Variants in BAALC observed in about 807,000 individuals in gnomAD.
BAALC encodes the protein brain and acute leukemia cytoplasmic protein.
Under a neutral mutation model 15.5 loss-of-function variants are expected in BAALC, and 9 were observed. The observed-to-expected ratio is 0.58, with a 90% CI of 0.35 to 1.02. The LOEUF is 1.02. Among genes scored for constraint, BAALC ranks in the 50% least tolerant of loss-of-function variants. The pLI is 0.02. For missense variants in BAALC, 201 were observed against 192.4 expected, an observed-to-expected ratio of 1.04 and a Z score of -0.27; for synonymous variants, 80 against 74.6, an observed-to-expected ratio of 1.07 and a Z score of -0.37.
chr8:103,149,302 C>T (rs930414149), intron 1 of BAALC, among the ~76,000 whole-genome samples: 3 of 152,178 alleles, frequency 2.0e-5, no homozygotes, highest in Admixed American at 6.5e-5. Context: ...GTGCTGAGTG[C>T]CCGTGCTGCT....
At chr8:103,200,964 C>T (rs574142170) in intron 1 of BAALC, among the ~76,000 whole-genome samples, 1 of 152,148 alleles carries the variant, frequency 6.6e-6, no homozygotes, top group South Asian at 2.1e-4. Flanking sequence ...AATACTTTTT[C>T]CCTAAAGAAA....
At chr8:103,200,541 C>T (rs893315085) in intron 1 of BAALC, 3 of 447,790 alleles carry the variant, frequency 6.7e-6, no homozygotes, top group Non-Finnish European at 1.2e-5. Flanking sequence ...CTAACCACCC[C>T]CAAAAATAAT....
chr8:103,220,195 C>T (rs1812647202), intron 2 of BAALC, among the ~76,000 whole-genome samples: 4 of 152,138 alleles, frequency 2.6e-5, no homozygotes, highest in Admixed American at 2.0e-4. Context: ...GGATATGAAA[C>T]CTGGGGCCAC....
rs149455274 is a variant in BAALC at position 103,213,250 on chromosome 8, C to T, written c.327+165C>T. 898 of 705,388 alleles carry T rather than the reference C, an allele frequency of 1.3e-3. 5 individuals carry two copies. The African/African-American group carries it at 0.015, about 12-fold the overall frequency. The allele number at this position is 705,388 out of a possible 1,614,324, so 43.7% of individuals were successfully genotyped here. On this transcript the variant is annotated intron_variant, in intron 2 of 2. Transcript: ENST00000309982. ...ATGTAAAAATTGCTGCAAACCCCAC[C>T]CCAAAACCCTGCCTTGAGGGTTGCT...
intron 1 of BAALC, among the ~76,000 whole-genome samples, chr8:103,187,112 C>A (rs1276704097): frequency 6.6e-6 from 1 of 152,110 alleles, no homozygotes. Context: ...AGAAAGTGCC[C>A]CCTCCCTCGA....
chr8:103,199,278 G>GAGA (rs1459237701), intron 1 of BAALC, among the ~76,000 whole-genome samples: 1 of 152,160 alleles, frequency 6.6e-6, no homozygotes, highest in Non-Finnish European at 1.5e-5. Context: ...CAGTATATGA[G>GAGA]AGAATGTGTT....
chr8:103,186,168 T>TC (rs540221448), intron 1 of BAALC, among the ~76,000 whole-genome samples: 80 of 152,260 alleles, frequency 5.3e-4, no homozygotes, highest in African/African-American at 1.6e-3. Flanking sequence ...GGAACACTCA[T>TC]CCCCTTACTG....
intron 1 of BAALC, among the ~76,000 whole-genome samples, chr8:103,143,421 T>C (rs1182099743): frequency 6.6e-6 from 1 of 152,290 alleles, no homozygotes; most frequent in East Asian, 1.9e-4. Flanking sequence ...CAGAAGTTGT[T>C]TTCTGATGGG....
At chr8:103,181,417 T>G (rs193053037) in intron 1 of BAALC, among the ~76,000 whole-genome samples, 2,597 of 152,112 alleles carry the variant, frequency 0.017, 63 homozygotes, top group African/African-American at 0.057. Flanking sequence ...GACTACAGTC[T>G]CCCACCACCA....
chr8:103,160,784 C>A (rs564367995), intron 1 of BAALC, among the ~76,000 whole-genome samples: 3,114 of 152,176 alleles, frequency 0.02, 119 homozygotes, highest in African/African-American at 0.072. Context: ...AGGAAGCACC[C>A]AGCACGGGAG....
intron 2 of BAALC, chr8:103,214,890 T>C (rs1437523249): frequency 6.6e-6 from 1 of 151,982 alleles, no homozygotes; most frequent in East Asian, 1.9e-4. Flanking sequence ...CTTAATAGAG[T>C]TCTGTATTGT....
In BAALC at chr8:103,220,398, G is replaced by T. The variant is rs79600017; in HGVS notation, c.327+7313G>T. 8.5e-3 allele frequency among the ~76,000 whole-genome samples: 1,287 copies of T among 152,304 alleles called. 16 individuals carry two copies. The highest frequency in any genetic ancestry group is 0.029 in the African/African-American group (1,211 of 41,560). ...AGGAAAGTTCTGGGACACTGAGGCAGGGCAATGCACACAGTTTCTGTTCCC... is the reference window on the plus strand; with the variant it reads ...AGGAAAGTTCTGGGACACTGAGGCATGGCAATGCACACAGTTTCTGTTCCC... On this transcript the variant is annotated intron_variant, in intron 2 of 2. Coordinates refer to ENST00000309982, the MANE Select transcript of BAALC (RefSeq NM_024812.3).
At chr8:103,210,365 T>A (rs1432170876) in intron 1 of BAALC, among the ~76,000 whole-genome samples, 1 of 152,218 alleles carries the variant, frequency 6.6e-6, no homozygotes, top group Non-Finnish European at 1.5e-5. Context: ...CTGATTTCTA[T>A]CCCATGGTCA....
At chr8:103,216,902 G>T (rs1812568485) in intron 2 of BAALC, among the ~76,000 whole-genome samples, 1 of 152,164 alleles carries the variant, frequency 6.6e-6, no homozygotes. Flanking sequence ...TTACAGATGG[G>T]AATTGAGACT....
intron 1 of BAALC, among the ~76,000 whole-genome samples, chr8:103,160,749 A>C (rs1402834287): frequency 6.6e-6 from 1 of 152,134 alleles, no homozygotes; most frequent in Non-Finnish European, 1.5e-5. Flanking sequence ...CAAAACAAAG[A>C]ATTTGGAGTC....
chr8:103,222,013 A>C (rs1280565025), intron 2 of BAALC, among the ~76,000 whole-genome samples: 1 of 152,194 alleles, frequency 6.6e-6, no homozygotes, highest in African/African-American at 2.4e-5. Flanking sequence ...GGACAACTCA[A>C]AGCAAAGTGG....
Position 103,229,492 on chromosome 8 carries a change from C to T in BAALC, c.*1393C>T, listed in dbSNP as rs1227443769. 7 of 152,152 alleles carry T rather than the reference C, an allele frequency of 4.6e-5. No homozygotes were observed. The highest frequency in any genetic ancestry group is 1.7e-4 in the African/African-American group (7 of 41,436). 9.4% of individuals were successfully genotyped at this position (152,152 alleles called of 1,614,324 possible). ...GGGTAGTGTCATTTTTCCTTCCTTC[C>T]TTCCATTGGCAGATTGTATATTTAT... On this transcript the variant is annotated 3_prime_UTR_variant, in exon 3 of 3. Coordinates refer to ENST00000309982, the MANE Select transcript of BAALC (RefSeq NM_024812.3).
intron 1 of BAALC, among the ~76,000 whole-genome samples, chr8:103,159,658 C>T (rs6468861): frequency 0.39 from 58,519 of 151,936 alleles, 11,562 homozygotes; most frequent in East Asian, 0.44. Flanking sequence ...TGGGATCCCC[C>T]GTTTGACTCT....
At chr8:103,147,572 C>G (rs984414835) in intron 1 of BAALC, among the ~76,000 whole-genome samples, 2 of 152,118 alleles carry the variant, frequency 1.3e-5, no homozygotes, top group South Asian at 2.1e-4. Flanking sequence ...AGCAATCCCT[C>G]AGGTTTGGAC....
Sources: gnomAD v4.1 joint callset for allele counts (sites outside exome capture counted in the v4.1 genomes callset) on GRCh38, gnomAD v4.1.1 for gene constraint, MANE v1.5 for transcripts, NCBI Gene and HGNC (gene_info 2026-07-23, HGNC 2026-07-21) for gene names.